The following RDH5 variants were observed in gnomAD, a reference collection of about 807,000 sequenced individuals.
The protein encoded by RDH5 is 11-cis RDH.
A neutral mutation model predicts 24.0 loss-of-function variants in RDH5; 25 were observed. The observed-to-expected ratio is 1.04, with a 90% CI of 0.76 to 1.46. RDH5 has a LOEUF of 1.46. RDH5 is among the 40% of genes most tolerant of loss of function. The probability of loss-of-function intolerance (pLI) is 0.00; values close to 1 mark genes in which losing one functional copy is unlikely to be tolerated. For missense variants in RDH5, 369 were observed against 410.3 expected (o/e 0.90, Z 0.87); for synonymous variants, 170 against 175.2 (o/e 0.97, Z 0.23).
intron 3 of RDH5, 26 bp from the exon 4 acceptor site, chr12:55,723,860 G>GCAA (rs1565655531): frequency 2.5e-6 from 4 of 1,611,506 alleles, no homozygotes; most frequent in Non-Finnish European, 3.4e-6. Flanking sequence ...CAAGAACCCA[G>GCAA]CAACTTCGCT....
In RDH5 at chr12:55,722,391, G is replaced by A. The variant is rs908418439; in HGVS notation, c.569+444G>A. 1.8e-5 allele frequency: 3 copies of A among 168,320 alleles called. No homozygotes were observed. The East Asian group carries it at 5.0e-4, about 28-fold the overall frequency. The allele number at this position is 168,320 out of a possible 1,614,324, so 10.4% of individuals were successfully genotyped here. On this transcript the variant is annotated intron_variant, in intron 3 of 4. Transcript: ENST00000257895. The stretch of plus-strand genomic sequence containing the variant: ...TCTCAAACTCCTGACCTCGTGATCC[G>A]CCCACCTCAGCCTCCCAAAGTGCTG...
chr12:55,723,603 A>G (rs1313423834), intron 3 of RDH5: 1 of 432,186 alleles, frequency 2.3e-6, no homozygotes, highest in Non-Finnish European at 4.3e-6. Context: ...AGTACCTGAT[A>G]ATATCATTAA....
chr12:55,724,184 C>G (rs980707486), intron 4 of RDH5, 135 bp downstream of exon 4: 1 of 1,453,098 alleles, frequency 6.9e-7, no homozygotes, highest in African/African-American at 1.4e-5. Flanking sequence ...ACAAGAGTGC[C>G]CAGGCCATGT....
At position 55,721,084 on chromosome 12, in the gene RDH5, T is replaced by C; in HGVS notation, c.-32-69T>C. On this transcript the variant is annotated intron_variant, in intron 1 of 4. Coordinates refer to ENST00000257895, the MANE Select transcript of RDH5 (RefSeq NM_002905.5). The surrounding 1 kb of genome is among the most constrained non-coding windows in gnomAD (Gnocchi z 4.7). ...TATGCTCACACCAGATGCTTCCAGC[T>C]AGGGAGGGTATTAGGGGAAAGGGCT... 1 of 1,031,674 alleles carries C rather than the reference T, an allele frequency of 9.7e-7. No individual in the cohort carries two copies. Among genetic ancestry groups the C allele is most frequent in the East Asian group, 2.4e-5 (1 of 41,760 alleles). The allele number at this position is 1,031,674 out of a possible 1,614,324, so 63.9% of individuals were successfully genotyped here.
At chr12:55,720,893 A>G in intron 1 of RDH5, 1 of 340,644 alleles carries the variant, frequency 2.9e-6, no homozygotes, top group Non-Finnish European at 5.4e-6. Context: ...CAAAAAAAAA[A>G]AAAAAAAAAA....
At position 55,723,876 on chromosome 12, in the gene RDH5, C is replaced by G. The variant is rs748927453; in HGVS notation, c.570-10C>G. 14 of 1,613,220 alleles carry G rather than the reference C, an allele frequency of 8.7e-6. No homozygotes were observed. In the South Asian group the frequency reaches 1.5e-4, roughly 18 times the overall value. On this transcript the variant is annotated splice_polypyrimidine_tract_variant and intron_variant, in intron 3 of 4. Coordinates refer to ENST00000257895, the MANE Select transcript of RDH5 (RefSeq NM_002905.5). ...AAGAACCCAGCAACTTCGCTCTGCC[C>G]CGACTCTAGGCGGGATGTAGCTCAT...
Position 55,721,379 on chromosome 12 carries a change from C to T in RDH5, c.195C>T (p.Ala65=), listed in dbSNP as rs1058634. ...CCAGCTGCCTGACCCCCTCCGGGGC[C>T]GAGGACCTGCAGCGGGTGGCCTCCT... ...VLASCLTPSG[A]EDLQRVASSR... Residue 65 remains alanine, a synonymous_variant, in exon 2 of 5, where the codon GCC becomes GCT. Transcript: ENST00000257895. The surrounding 1 kb of genome is among the most constrained non-coding windows in gnomAD (Gnocchi z 4.7). 1.2e-5 allele frequency: 20 copies of T among 1,613,818 alleles called. No individual in the cohort carries two copies. Among genetic ancestry groups the T allele is most frequent in the Admixed American group, 5.0e-5 (3 of 60,008 alleles).
At position 55,724,692 on chromosome 12, in the gene RDH5, T is replaced by A. The variant is rs1877123502; in HGVS notation, c.*147T>A. 1 of 823,394 alleles carries A rather than the reference T, an allele frequency of 1.2e-6. No individual in the cohort carries two copies. The highest frequency in any genetic ancestry group is 2.0e-5 in the Admixed American group (1 of 49,478). The allele number at this position is 823,394 out of a possible 1,614,324, so 51.0% of individuals were successfully genotyped here. On this transcript the variant is annotated 3_prime_UTR_variant, in exon 5 of 5. Coordinates refer to ENST00000257895, the MANE Select transcript of RDH5 (RefSeq NM_002905.5). ...AAAATAAAAAGAAGGTGGGCAGAAA[T>A]GTGCCCAGTGGAAGGCTGACCCCAT...
In RDH5 at chr12:55,722,001, C is replaced by T. The variant is rs3138140; in HGVS notation, c.569+54C>T. On this transcript the variant is annotated intron_variant, in intron 3 of 4. Transcript: ENST00000257895. ...GACTAACAGCAGCCCACTCAACAAA[C>T]GTGGGCCAGCAGAGGTGGTTAAGAT... 167,815 of 1,581,668 alleles carry T rather than the reference C, an allele frequency of 0.11. 13,756 individuals carry two copies. The highest frequency in any genetic ancestry group is 0.37 in the African/African-American group (27,827 of 74,290).
chr12:55,724,152 G>C, intron 4 of RDH5, 103 bp downstream of exon 4: 1 of 1,489,370 alleles, frequency 6.7e-7, no homozygotes, highest in African/African-American at 1.4e-5. Context: ...CCCAGGGCAG[G>C]GTTGAGGGTG....
rs903282271 is a variant in RDH5 at position 55,724,333 on chromosome 12, C to G, written c.745C>G (p.Gln249Glu). 1 of 1,614,176 alleles carries G rather than the reference C, an allele frequency of 6.2e-7. No individual in the cohort carries two copies. Among genetic ancestry groups the G allele is most frequent in the East Asian group, 2.2e-5 (1 of 44,886 alleles). ...GAFLTKYLKMQQRIMNLICDP... is the reference protein window; with the variant it reads ...GAFLTKYLKMEQRIMNLICDP... ...CTATGGGGCTGCAGACCTGAAAATGCAACAGCGCATCATGAACCTGATCTG... is the reference window on the plus strand; with the variant it reads ...CTATGGGGCTGCAGACCTGAAAATGGAACAGCGCATCATGAACCTGATCTG... Residue 249 changes from glutamine (Q) to glutamate (E), a missense_variant, in exon 5 of 5, where the codon CAA becomes GAA. Gln to Glu is a conservative substitution (Grantham distance 29). Coordinates refer to ENST00000257895, the MANE Select transcript of RDH5 (RefSeq NM_002905.5).
Position 55,721,551 on chromosome 12 carries a change from C to G in RDH5, c.310+57C>G. 6.3e-7 allele frequency: 1 copy of G among 1,596,018 alleles called. No individual in the cohort carries two copies. Among genetic ancestry groups the G allele is most frequent in the Non-Finnish European group, 8.5e-7 (1 of 1,175,708 alleles). On this transcript the variant is annotated intron_variant, in intron 2 of 4. Coordinates refer to ENST00000257895, the MANE Select transcript of RDH5 (RefSeq NM_002905.5). The surrounding 1 kb of genome is among the most constrained non-coding windows in gnomAD (Gnocchi z 4.7). ...TGGGGTGTCCTGATCCCCACAGTCA[C>G]CCCAGGAGTCACCTGCAAGGGCTGT...
At chr12:55,724,125 A>T in intron 4 of RDH5, 76 bp downstream of exon 4, 1 of 1,551,390 alleles carries the variant, frequency 6.4e-7, no homozygotes, top group East Asian at 2.3e-5. Context: ...TAAGCCTGCT[A>T]GGAGGTGGGT....
Position 55,723,988 on chromosome 12 carries a change from C to T in RDH5, c.672C>T (p.Ala224=). 2 of 1,613,806 alleles carry T rather than the reference C, an allele frequency of 1.2e-6. No homozygotes were observed. Among genetic ancestry groups the T allele is most frequent in the Non-Finnish European group, 1.7e-6 (2 of 1,180,038 alleles). The change falls in exon 4 of 5, where the codon GCC becomes GCT. Residue 224 remains alanine, a synonymous_variant. Coordinates refer to ENST00000257895, the MANE Select transcript of RDH5 (RefSeq NM_002905.5). ...NLESLEKTLQ[A]CWARLPPATQ... ...AGAGTCTGGAGAAAACCCTGCAGGC[C>T]TGCTGGGCACGGCTGCCTCCTGCCA...
chr12:55,722,139 C>T (rs1396423465), intron 3 of RDH5, 192 bp downstream of exon 3: 1 of 619,732 alleles, frequency 1.6e-6, no homozygotes, highest in Non-Finnish European at 2.7e-6. Context: ...TCTCTTTACC[C>T]ATTTTTAACG....
Position 55,721,231 on chromosome 12 carries a change from G to T in RDH5, c.47G>T (p.Trp16Leu). 6.2e-7 allele frequency: 1 copy of T among 1,614,060 alleles called. No homozygotes were observed. The highest frequency in any genetic ancestry group is 8.5e-7 in the Non-Finnish European group (1 of 1,180,038). ...LLGALLWAVL[W>L]LLRDRQSLPA... ...GGTGCCTTACTCTGGGCAGTGCTGT[G>T]GTTGCTCAGGGACCGGCAGAGCCTG... is the stretch of plus-strand genomic sequence containing the variant. The change falls in exon 2 of 5, where the codon TGG (tryptophan) becomes TTG (leucine). Residue 16 changes from tryptophan (W) to leucine (L), a missense_variant. Transcript: ENST00000257895. This position sits in a 1 kb window ranked among gnomAD's most constrained non-coding sequence, Gnocchi z 4.7.
chr12:55,723,773 C>T, intron 3 of RDH5, 113 bp from the exon 4 acceptor site: 4 of 1,277,838 alleles, frequency 3.1e-6, no homozygotes, highest in Non-Finnish European at 3.4e-6. Context: ...GCATCTCCGT[C>T]AAAACTCTTG....
chr12:55,724,198 A>T (rs1877081705), intron 4 of RDH5, 124 bp from the exon 5 acceptor site: 1 of 1,447,106 alleles, frequency 6.9e-7, no homozygotes, highest in African/African-American at 1.4e-5. Context: ...GCCATGTGGA[A>T]CCTGCCCACT....
rs1353065471 is a variant in RDH5 at position 55,724,453 on chromosome 12, C to A, written c.865C>A (p.Leu289Met). 1.2e-6 allele frequency: 2 copies of A among 1,614,086 alleles called. No individual in the cohort carries two copies. Among genetic ancestry groups the A allele is most frequent in the Admixed American group, 1.7e-5 (1 of 60,024 alleles). The change falls in exon 5 of 5, where the codon CTG (leucine) becomes ATG (methionine). Residue 289 changes from leucine (L) to methionine (M), a missense_variant. Coordinates refer to ENST00000257895, the MANE Select transcript of RDH5 (RefSeq NM_002905.5). ...TRYSPGWDAK[L>M]LWLPASYLPA... ...CTACAGCCCAGGTTGGGATGCCAAG[C>A]TGCTCTGGCTGCCTGCCTCCTACCT...
Sources: allele counts gnomAD v4.1 joint callset, GRCh38; gene constraint gnomAD v4.1.1; non-coding constraint Gnocchi (gnomAD v3.1); transcripts MANE v1.5; gene names NCBI Gene and HGNC (gene_info 2026-07-23, HGNC 2026-07-21).